PIBF1: variants seen among roughly 807,000 people sequenced by gnomAD.
PIBF1 encodes progesterone immunomodulatory binding factor 1.
Under a neutral mutation model 112.5 loss-of-function variants are expected in PIBF1, and 90 were observed. That is an observed-to-expected ratio of 0.80 (90% CI 0.67 to 0.95). The LOEUF is 0.95. Among genes scored for constraint, PIBF1 ranks in the 40% least tolerant of loss-of-function variants. The pLI, the probability that PIBF1 is intolerant of heterozygous loss-of-function variation, is 0.00. For synonymous variants in PIBF1, 301 were observed against 288.6 expected, an observed-to-expected ratio of 1.04 and a Z score of -0.44; for missense variants, 915 against 852.3, an observed-to-expected ratio of 1.07 and a Z score of -0.92.
rs374972226 is a variant in PIBF1 at position 72,957,037 on chromosome 13, GA to G, written c.1834-8233del. Among the ~76,000 whole-genome samples, 110 of 152,322 alleles carry G rather than the reference GA, an allele frequency of 7.2e-4. 2 individuals are homozygous for G. In the South Asian group the frequency reaches 0.021, roughly 29 times the overall value. ...AAATAGATATTGGCATGGATGTGGT[GA>G]AAAGGGAAAACTTTTTCACTGCTGG... On this transcript the variant is annotated intron_variant, in intron 14 of 17. Transcript: ENST00000326291.
At chr13:72,843,583 T>G (rs2037705699) in intron 9 of PIBF1, among the ~76,000 whole-genome samples, 1 of 152,206 alleles carries the variant, frequency 6.6e-6, no homozygotes, top group African/African-American at 2.4e-5. Context: ...AGCTAATTTT[T>G]GTACTTTTAG....
At chr13:72,812,203 C>T (rs1171645085) in intron 5 of PIBF1, among the ~76,000 whole-genome samples, 1 of 152,124 alleles carries the variant, frequency 6.6e-6, no homozygotes, top group Non-Finnish European at 1.5e-5. Flanking sequence ...TCTTGATCTG[C>T]ATAGTGTTTC....
intron 11 of PIBF1, 135 bp from the exon 12 acceptor site, chr13:72,908,396 G>T: frequency 2.4e-6 from 1 of 412,578 alleles, no homozygotes; most frequent in Non-Finnish European, 4.3e-6. Context: ...TTCCTCATTA[G>T]TCATCTTAAT....
chr13:72,890,166 A>G (rs1290865663), intron 10 of PIBF1, among the ~76,000 whole-genome samples: 2 of 152,108 alleles, frequency 1.3e-5, no homozygotes, highest in South Asian at 2.1e-4. Context: ...CTGTTATTTG[A>G]TGTTTTATCC....
At chr13:72,829,886 C>T (rs373825394) in intron 8 of PIBF1, among the ~76,000 whole-genome samples, 14 of 152,108 alleles carry the variant, frequency 9.2e-5, no homozygotes, top group African/African-American at 3.1e-4. Context: ...GCCATTTTCA[C>T]GATATTGAAT....
chr13:72,858,978 A>G (rs554392550), intron 10 of PIBF1, among the ~76,000 whole-genome samples: 1 of 152,258 alleles, frequency 6.6e-6, no homozygotes, highest in East Asian at 1.9e-4. Context: ...ATTTGATGCA[A>G]TCTTACATAA....
intron 10 of PIBF1, among the ~76,000 whole-genome samples, chr13:72,860,789 ACTTTT>A (rs1191876402): frequency 2.2e-4 from 33 of 152,180 alleles, no homozygotes; most frequent in African/African-American, 7.2e-4. Flanking sequence ...TTACTCAAAG[ACTTTT>A]CTTTTCTACA....
chr13:72,927,036 TTCA>T (rs1425036454), intron 13 of PIBF1, among the ~76,000 whole-genome samples: 1 of 152,182 alleles, frequency 6.6e-6, no homozygotes, highest in East Asian at 1.9e-4. Context: ...GTCATTGATA[TTCA>T]TCACCAAGAA....
intron 10 of PIBF1, among the ~76,000 whole-genome samples, chr13:72,860,445 C>T (rs2038643913): frequency 6.7e-6 from 1 of 150,294 alleles, no homozygotes; most frequent in Non-Finnish European, 1.5e-5. Flanking sequence ...TTGGGAATAT[C>T]GTATATATTT....
intron 17 of PIBF1, among the ~76,000 whole-genome samples, chr13:73,012,977 G>T (rs1388572289): frequency 6.6e-6 from 1 of 151,458 alleles, no homozygotes; most frequent in African/African-American, 2.4e-5. Context: ...ACTAAAGGAT[G>T]ACTACAAAAG....
chr13:73,011,628 C>T (rs905613988), intron 17 of PIBF1, among the ~76,000 whole-genome samples: 7 of 152,062 alleles, frequency 4.6e-5, no homozygotes, highest in South Asian at 4.1e-4. Context: ...AACTGAGAAA[C>T]GTGTGTAAAG....
intron 13 of PIBF1, among the ~76,000 whole-genome samples, chr13:72,920,611 A>G (rs1393381817): frequency 6.6e-6 from 1 of 152,174 alleles, no homozygotes; most frequent in Non-Finnish European, 1.5e-5. Flanking sequence ...ATTATATGTA[A>G]TCCTTCACAT....
intron 17 of PIBF1, among the ~76,000 whole-genome samples, chr13:73,011,826 A>G (rs2044212613): frequency 6.6e-6 from 1 of 152,164 alleles, no homozygotes; most frequent in African/African-American, 2.4e-5. Flanking sequence ...ACCAAAAAAC[A>G]CAGTTTGAAG....
chr13:72,921,590 ATTC>A (rs1023002173), intron 13 of PIBF1, among the ~76,000 whole-genome samples: 3 of 152,204 alleles, frequency 2.0e-5, no homozygotes, highest in African/African-American at 7.2e-5. Flanking sequence ...GTCATTGGAT[ATTC>A]TTCAGAAAGG....
intron 13 of PIBF1, among the ~76,000 whole-genome samples, chr13:72,918,794 C>G (rs1594195326): frequency 6.6e-6 from 1 of 151,526 alleles, no homozygotes; most frequent in Admixed American, 6.6e-5. Flanking sequence ...ACCTCCACCT[C>G]CCAGGTTCAA....
chr13:72,834,596 G>T (rs887304737), intron 8 of PIBF1, among the ~76,000 whole-genome samples: 1 of 152,092 alleles, frequency 6.6e-6, no homozygotes, highest in Non-Finnish European at 1.5e-5. Context: ...TTCATCCTGG[G>T]TGAGAGAGCA....
chr13:73,000,416 T>TA (rs2043819798), intron 17 of PIBF1, among the ~76,000 whole-genome samples: 1 of 152,182 alleles, frequency 6.6e-6, no homozygotes, highest in Non-Finnish European at 1.5e-5. Flanking sequence ...CTTCCTAAGC[T>TA]TATTACCCAG....
At chr13:72,793,378 T>C (rs946630604) in intron 3 of PIBF1, among the ~76,000 whole-genome samples, 2 of 152,190 alleles carry the variant, frequency 1.3e-5, no homozygotes, top group African/African-American at 4.8e-5. Context: ...TCACACTAGA[T>C]TAGTGGACCT....
At chr13:73,005,712 G>C (rs941095373) in intron 17 of PIBF1, among the ~76,000 whole-genome samples, 1 of 152,044 alleles carries the variant, frequency 6.6e-6, no homozygotes, top group Non-Finnish European at 1.5e-5. Context: ...CGTCATCACA[G>C]AATCATGTCC....
Sources: gnomAD v4.1 joint callset for allele counts (sites outside exome capture counted in the v4.1 genomes callset) on GRCh38, gnomAD v4.1.1 for gene constraint, MANE v1.5 for transcripts, NCBI Gene and HGNC (gene_info 2026-07-23, HGNC 2026-07-21) for gene names.